UBR2: variants seen among roughly 807,000 people sequenced by gnomAD.
UBR2 encodes the protein E3 ubiquitin-protein ligase UBR2.
In UBR2, 92 loss-of-function variants were observed where a neutral mutation model predicts 247.9. The ratio of observed to expected loss-of-function variants is 0.37; its 90% confidence interval spans 0.31 to 0.44. The LOEUF (loss-of-function observed/expected upper bound fraction) is 0.44. Ranked by LOEUF, UBR2 falls within the 20% of genes least tolerant of loss-of-function variation. UBR2 has a pLI of 1.00. For missense variants in UBR2, 1,613 were observed against 2,112.6 expected (o/e 0.76, Z 4.64); for synonymous variants, 672 against 693.5 (o/e 0.97, Z 0.49).
rs546723113 is a variant in UBR2 at position 42,616,854 on chromosome 6, G to A, written c.1183-555G>A. Among the ~76,000 whole-genome samples, 131 of 152,258 alleles carry A rather than the reference G, an allele frequency of 8.6e-4. 1 individual carries two copies. Among genetic ancestry groups the A allele is most frequent in the African/African-American group, 3.0e-3 (124 of 41,554 alleles). ...AGATTCACCAAGAATGGCGGCCCAA[G>A]CATGTATGCTTTGGAAGAGTCATCA... On this transcript the variant is annotated intron_variant, in intron 10 of 46. Transcript: ENST00000372901.
rs1799650323 is a variant in UBR2 at position 42,689,797 on chromosome 6, A to G, written c.5126+127A>G. The G allele has an allele frequency of 1.4e-4, 115 of 819,860 alleles. 2 individuals are homozygous for G. In the South Asian group the frequency reaches 1.7e-3, roughly 12 times the overall value. The allele number at this position is 819,860 out of a possible 1,614,324, so 50.8% of individuals were successfully genotyped here. On this transcript the variant is annotated intron_variant, in intron 46 of 46. Coordinates refer to ENST00000372901, the MANE Select transcript of UBR2 (RefSeq NM_001363705.2). The surrounding 1 kb of genome is among the most constrained non-coding windows in gnomAD (Gnocchi z 4.0). ...GCTGTGTTATCTGTGGAGTCTTCCA[A>G]GGAGGGTGCCCTGTCAGCCTGGTTT...
intron 16 of UBR2, among the ~76,000 whole-genome samples, chr6:42,641,171 AAAAT>A (rs1047568055): frequency 3.9e-5 from 6 of 152,200 alleles, no homozygotes; most frequent in African/African-American, 9.6e-5. Context: ...TAAAATAATT[AAAAT>A]AAATAAGGCC....
chr6:42,663,516 C>T lies in UBR2; in HGVS notation c.3698+97C>T. ...GAGGAAAACTTAGTCTAGGCAATTG[C>T]ATAGTGTTTTCCAGATACTTTCCAA... On this transcript the variant is annotated intron_variant, in intron 32 of 46. Coordinates refer to ENST00000372901, the MANE Select transcript of UBR2 (RefSeq NM_001363705.2). 5 of 1,261,508 alleles carry T rather than the reference C, an allele frequency of 4.0e-6. No homozygotes were observed. In the South Asian group the frequency reaches 8.1e-5, roughly 20 times the overall value. 78.1% of individuals were successfully genotyped at this position (1,261,508 alleles called of 1,614,324 possible).
In UBR2 at chr6:42,691,086, C is replaced by T. The variant is rs1292471968; in HGVS notation, c.5181C>T (p.Leu1727=). 2 of 1,614,068 alleles carry T rather than the reference C, an allele frequency of 1.2e-6. No individual in the cohort carries two copies. Among genetic ancestry groups the T allele is most frequent in the Non-Finnish European group, 1.7e-6 (2 of 1,180,050 alleles). ...AGCGATTCAAGAAGATTCAGAAGCT[C>T]TGGCACCAACACAGTGTCACAGAGG... ...CKERFKKIQK[L]WHQHSVTEEI... Residue 1727 remains leucine (L), a synonymous_variant, in exon 47 of 47, where the codon CTC becomes CTT. Transcript: ENST00000372901.
At chr6:42,587,946 A>G (rs890367207) in intron 2 of UBR2, among the ~76,000 whole-genome samples, 1 of 152,144 alleles carries the variant, frequency 6.6e-6, no homozygotes, top group South Asian at 2.1e-4. Flanking sequence ...GACACCAGGT[A>G]TGTGGGTTTT....
chr6:42,640,850 C>G (rs1265035163), intron 16 of UBR2, among the ~76,000 whole-genome samples: 1 of 152,038 alleles, frequency 6.6e-6, no homozygotes, highest in African/African-American at 2.4e-5. Context: ...CTGCCTCAGC[C>G]TCCCAAGAAG....
At chr6:42,656,794 T>C (rs1188653532) in intron 26 of UBR2, among the ~76,000 whole-genome samples, 1 of 152,216 alleles carries the variant, frequency 6.6e-6, no homozygotes, top group African/African-American at 2.4e-5. Context: ...GACTTTATTC[T>C]TGGATGCCAG....
chr6:42,578,674 A>G (rs1297907342), intron 2 of UBR2, among the ~76,000 whole-genome samples: 2 of 152,188 alleles, frequency 1.3e-5, no homozygotes, highest in East Asian at 3.9e-4. Context: ...AGGGGTGCAG[A>G]TAGTTCTAGT....
intron 34 of UBR2, among the ~76,000 whole-genome samples, chr6:42,669,338 C>T (rs952419185): frequency 6.6e-6 from 1 of 152,082 alleles, no homozygotes; most frequent in African/African-American, 2.4e-5. Context: ...TTTTGCTAGG[C>T]GTTCAGTAAA....
rs778947113 is a variant in UBR2 at position 42,679,787 on chromosome 6, G to A, written c.4673G>A (p.Cys1558Tyr). The A allele has an allele frequency of 3.1e-6, 5 of 1,613,290 alleles. No individual in the cohort carries two copies. In the Admixed American group the frequency reaches 5.0e-5, roughly 16 times the overall value. Residue 1558 changes from cysteine (C) to tyrosine (Y), a missense_variant, in exon 42 of 47, where the codon TGC becomes TAC. Transcript: ENST00000372901. The stretch of plus-strand genomic sequence containing the variant: ...CTTTCCCTACCAAACAACCTCATTT[G>A]CCTTTTTCAAGAAAATAGTGAGATA... Reference protein sequence around the residue: ...SYLSLPNNLICLFQENSEIMN... With the variant: ...SYLSLPNNLIYLFQENSEIMN...
At chr6:42,592,086 A>T in intron 2 of UBR2, 65 bp from the exon 3 acceptor site, 1 of 1,451,888 alleles carries the variant, frequency 6.9e-7, no homozygotes. Flanking sequence ...CCAATTTGAA[A>T]TAATTCTGTT....
chr6:42,637,239 ATTG>A (rs762146591), intron 15 of UBR2, 45 bp downstream of exon 15: 2 of 1,574,056 alleles, frequency 1.3e-6, no homozygotes, highest in South Asian at 1.2e-5. Context: ...TATCTTTTAA[ATTG>A]TTGTTTGTGG....
chr6:42,688,271 G>A lies in UBR2; in HGVS notation c.4909G>A (p.Gly1637Arg), dbSNP rs965585849. ...AGCCCCAACTCTGTGCCTTGTGTGC[G>A]GATCTCTGCTGTGCTCCCAGAGTTA... ...SRAPTLCLVC[G>R]SLLCSQSYCC... The change falls in exon 45 of 47, where the codon GGA becomes AGA. Residue 1637 changes from glycine (G) to arginine (R), a missense_variant. Physicochemically the swap from Gly to Arg is moderately radical, Grantham distance 125. Transcript: ENST00000372901. 1.2e-6 allele frequency: 2 copies of A among 1,614,074 alleles called. No homozygotes were observed. Among genetic ancestry groups the A allele is most frequent in the Non-Finnish European group, 1.7e-6 (2 of 1,180,024 alleles).
Position 42,666,170 on chromosome 6 carries a change from A to T in UBR2, c.3806A>T (p.Asn1269Ile). ...TATAAAATGCCTGTTTCTATAGATA[A>T]TGCCTCTACAAAGAATTCAGAAAAT... Reference protein sequence around the residue: ...FLRKEESTPNNASTKNSENVD... With the variant: ...FLRKEESTPNIASTKNSENVD... Residue 1269 changes from asparagine to isoleucine, a missense_variant, in exon 34 of 47, where the codon AAT (asparagine) becomes ATT (isoleucine). Asn to Ile is a moderately radical substitution (Grantham distance 149, BLOSUM62 -3). Around this residue, in one of 3 missense-constraint regions of UBR2, gnomAD observed 1,524 missense variants for 1,967.3 expected, o/e 0.77. Coordinates refer to ENST00000372901, the MANE Select transcript of UBR2 (RefSeq NM_001363705.2). 6.2e-7 allele frequency: 1 copy of T among 1,611,800 alleles called. No individual in the cohort carries two copies. Among genetic ancestry groups the T allele is most frequent in the Non-Finnish European group, 8.5e-7 (1 of 1,178,784 alleles).
Position 42,658,843 on chromosome 6 carries a change from A to T in UBR2, c.3242+19A>T. ...ATCATAGGTAAAAAAAAAAAAAAAA[A>T]AAATTAATGTCTTGACGAGTTTTTC... On this transcript the variant is annotated intron_variant, in intron 29 of 46. Coordinates refer to ENST00000372901, the MANE Select transcript of UBR2 (RefSeq NM_001363705.2). 1 of 1,526,236 alleles carries T rather than the reference A, an allele frequency of 6.6e-7. No homozygotes were observed. Among genetic ancestry groups the T allele is most frequent in the African/African-American group, 1.4e-5 (1 of 70,176 alleles). 94.5% of individuals were successfully genotyped at this position (1,526,236 alleles called of 1,614,324 possible).
intron 17 of UBR2, 143 bp downstream of exon 17, chr6:42,641,835 TCTTAAAA>T: frequency 1.7e-6 from 1 of 573,540 alleles, no homozygotes; most frequent in Non-Finnish European, 2.8e-6. Flanking sequence ...ACAAAAAGTT[TCTTAAAA>T]CTTTTATTCA....
chr6:42,676,634 C>T (rs1798736313), intron 39 of UBR2, 149 bp from the exon 40 acceptor site: 1 of 663,876 alleles, frequency 1.5e-6, no homozygotes, highest in Admixed American at 2.6e-5. Flanking sequence ...ACTGTGCTCC[C>T]ACTTGAGGGA....
intron 11 of UBR2, among the ~76,000 whole-genome samples, chr6:42,630,528 A>G (rs1562331408): frequency 6.6e-6 from 1 of 151,758 alleles, no homozygotes; most frequent in South Asian, 2.1e-4. Context: ...AATCTAATCC[A>G]AAATTGTGCA....
rs201227063 is a variant in UBR2, at chr6:42,612,225, A to C, written c.919A>C (p.Ile307Leu). The C allele has an allele frequency of 1.9e-6, 3 of 1,549,892 alleles. No homozygotes were observed. The highest frequency in any genetic ancestry group is 2.3e-5 in the East Asian group (1 of 44,164). Reference sequence around the variant, plus strand: ...CAAAGTTCAAGTTATGCATTCGTCTATTGTCGCACATCAGAATTTTGGTTT... The same window carrying C: ...CAAAGTTCAAGTTATGCATTCGTCTCTTGTCGCACATCAGAATTTTGGTTT... ...PLKVQVMHSS[I>L]VAHQNFGLKL... Residue 307 changes from isoleucine to leucine, a missense_variant, in exon 8 of 47, where the codon ATT becomes CTT. Around this residue, in one of 3 missense-constraint regions of UBR2, gnomAD observed 1,524 missense variants for 1,967.3 expected, o/e 0.77. Coordinates refer to ENST00000372901, the MANE Select transcript of UBR2 (RefSeq NM_001363705.2).
Sources: allele counts gnomAD v4.1 joint callset (sites outside exome capture counted in the v4.1 genomes callset), GRCh38; gene constraint gnomAD v4.1.1; regional missense constraint gnomAD v4.1.1; non-coding constraint Gnocchi (gnomAD v3.1); transcripts MANE v1.5; gene names NCBI Gene and HGNC (gene_info 2026-07-23, HGNC 2026-07-21).